The following VWA8 variants were observed in gnomAD, a reference collection of about 807,000 sequenced individuals.
The protein encoded by VWA8 is von Willebrand factor A domain-containing protein 8.
A neutral mutation model predicts 241.5 loss-of-function variants in VWA8; 221 were observed. The observed-to-expected ratio is 0.91, with a 90% confidence interval of 0.82 to 1.02. The LOEUF is 1.02. VWA8 is among the 50% of genes least tolerant of loss of function. VWA8 has a pLI of 0.00. For synonymous variants in VWA8, 852 were observed against 827.1 expected (o/e 1.03, Z -0.52); for missense variants, 2,322 against 2,328.7 (o/e 1.00, Z 0.06).
chr13:41,690,301 T>TA (rs764905054), intron 32 of VWA8, 26 bp from the exon 33 acceptor site: 27 of 1,583,212 alleles, frequency 1.7e-5, no homozygotes, highest in Non-Finnish European at 2.2e-5. Flanking sequence ...ACATCTAGCT[T>TA]AAGTGAAATT....
intron 17 of VWA8, among the ~76,000 whole-genome samples, chr13:41,800,938 T>C (rs897401391): frequency 5.9e-5 from 9 of 152,138 alleles, no homozygotes; most frequent in Admixed American, 5.2e-4. Context: ...ATAAAATATA[T>C]GACAGAAATG....
intron 20 of VWA8, among the ~76,000 whole-genome samples, chr13:41,768,269 T>A (rs2137915705): frequency 6.6e-6 from 1 of 152,354 alleles, no homozygotes; most frequent in Admixed American, 6.5e-5. Context: ...TATGCTGTCA[T>A]AGCAACATGG....
chr13:41,922,365 T>C (rs926908275), intron 2 of VWA8, among the ~76,000 whole-genome samples: 4 of 152,188 alleles, frequency 2.6e-5, no homozygotes, highest in Admixed American at 6.5e-5. Context: ...ATTCAGGACA[T>C]AGGCATGGGC....
rs189959919 is a variant in VWA8, at chr13:41,703,183, G to T, written c.3225+120C>A. The stretch of plus-strand genomic sequence containing the variant: ...AGGCCAGCCTGATTTGAAAGTTAGA[G>T]CAGAAGCTAAAATAACATCCGAACA... On this transcript the variant is annotated intron_variant, in intron 27 of 44. Transcript: ENST00000379310. 728 of 788,752 alleles carry T rather than the reference G, an allele frequency of 9.2e-4. 4 individuals carry two copies. In the East Asian group the frequency reaches 9.5e-3, roughly 10 times the overall value. 48.9% of individuals were successfully genotyped at this position (788,752 alleles called of 1,614,324 possible). A position where few individuals can be genotyped will look rare whatever the true frequency, so the allele number is the denominator to read the frequency against.
At chr13:41,940,307 C>G (rs1877537901) in intron 2 of VWA8, among the ~76,000 whole-genome samples, 2 of 151,806 alleles carry the variant, frequency 1.3e-5, no homozygotes, top group African/African-American at 4.8e-5. Context: ...ATCTAAAAAG[C>G]AATAATCTTT....
At chr13:41,694,628 GA>G (rs1199771476) in intron 29 of VWA8, among the ~76,000 whole-genome samples, 7 of 151,904 alleles carry the variant, frequency 4.6e-5, no homozygotes, top group African/African-American at 1.7e-4. Context: ...CTTTTTGATG[GA>G]AAAAATATTT....
intron 17 of VWA8, among the ~76,000 whole-genome samples, chr13:41,793,590 G>T (rs2137950915): frequency 6.6e-6 from 1 of 152,226 alleles, no homozygotes; most frequent in South Asian, 2.1e-4. Context: ...AAGGCGGGTG[G>T]ATCACGAGGT....
At position 41,604,645 on chromosome 13, in the gene VWA8, A is replaced by G. The variant is rs571791662; in HGVS notation, c.4986+523T>C. On this transcript the variant is annotated intron_variant, in intron 40 of 44. Transcript: ENST00000379310. ...AAAGAAACACAAGATTCCAGAGTAG[A>G]ATGGAGAAACAGGGCACAGCTTGGC... Among the ~76,000 whole-genome samples, 17 of 152,250 alleles carry G rather than the reference A, an allele frequency of 1.1e-4. No homozygotes were observed. In the South Asian group the frequency reaches 3.5e-3, roughly 32 times the overall value.
chr13:41,570,522 G>T lies in VWA8; in HGVS notation c.5555C>A (p.Pro1852His). 2 of 1,614,190 alleles carry T rather than the reference G, an allele frequency of 1.2e-6. No homozygotes were observed. The highest frequency in any genetic ancestry group is 1.1e-5 in the South Asian group (1 of 91,084). ...AAAAATGGCAAAAGCATTTACTTGA[G>T]GGTCTCTTGTGAGGATTTGAGCAAA... The part of the protein sequence containing the change: ...AKFAQILTRD[P>H]QVNAFAIFIG... Residue 1852 changes from proline (P) to histidine (H), a missense_variant, in exon 44 of 45, where the codon CCT (proline) becomes CAT (histidine). Pro to His is a moderately conservative substitution (Grantham distance 77, BLOSUM62 -2). Transcript: ENST00000379310.
intron 2 of VWA8, among the ~76,000 whole-genome samples, chr13:41,920,677 T>C (rs1186630683): frequency 1.3e-5 from 2 of 152,108 alleles, no homozygotes; most frequent in African/African-American, 2.4e-5. Context: ...ACAAATAAAC[T>C]AGAAAATCTA....
chr13:41,755,700 A>G (rs1360704170), intron 21 of VWA8, among the ~76,000 whole-genome samples: 1 of 151,868 alleles, frequency 6.6e-6, no homozygotes, highest in African/African-American at 2.4e-5. Context: ...AATCCTTTAA[A>G]CTTTTAAAAG....
chr13:41,829,216 G>C (rs1871308993), intron 14 of VWA8, among the ~76,000 whole-genome samples: 1 of 152,054 alleles, frequency 6.6e-6, no homozygotes, highest in Non-Finnish European at 1.5e-5. Flanking sequence ...TGCAAGAATG[G>C]CCATAATTAA....
intron 37 of VWA8, among the ~76,000 whole-genome samples, chr13:41,628,470 A>T (rs2044706977): frequency 6.6e-6 from 1 of 152,226 alleles, no homozygotes; most frequent in African/African-American, 2.4e-5. Flanking sequence ...TACACATTTA[A>T]AATGTGCATG....
At chr13:41,773,161 G>A (rs1251755568) in intron 20 of VWA8, among the ~76,000 whole-genome samples, 1 of 152,158 alleles carries the variant, frequency 6.6e-6, no homozygotes, top group Non-Finnish European at 1.5e-5. Context: ...ATTAAAATAG[G>A]CATTTTCACA....
intron 2 of VWA8, among the ~76,000 whole-genome samples, chr13:41,931,329 T>G (rs1281327906): frequency 7.8e-6 from 1 of 128,100 alleles, no homozygotes; most frequent in Admixed American, 8.3e-5. Flanking sequence ...CACTTATATG[T>G]GGAATCTGGT....
intron 8 of VWA8, 103 bp from the exon 9 acceptor site, chr13:41,883,594 C>A: frequency 1.3e-6 from 1 of 770,068 alleles, no homozygotes; most frequent in Non-Finnish European, 2.1e-6. Context: ...TAAAAGTAAC[C>A]AATAGGTGTC....
At chr13:41,636,661 T>C (rs1278010760) in intron 37 of VWA8, among the ~76,000 whole-genome samples, 2 of 152,108 alleles carry the variant, frequency 1.3e-5, no homozygotes, top group African/African-American at 4.8e-5. Flanking sequence ...ATTTTTGCAA[T>C]CTACTCATCT....
chr13:41,936,461 T>TA (rs539707364), intron 2 of VWA8, among the ~76,000 whole-genome samples: 123 of 152,326 alleles, frequency 8.1e-4, no homozygotes, highest in African/African-American at 2.8e-3. Context: ...ATATAGGCAT[T>TA]AAAAATGTGA....
intron 14 of VWA8, among the ~76,000 whole-genome samples, chr13:41,822,643 C>A (rs141568110): frequency 6.6e-6 from 1 of 152,226 alleles, no homozygotes; most frequent in Non-Finnish European, 1.5e-5. Flanking sequence ...CAGCCAAAAG[C>A]TAGTCAAACT....
Sources: allele counts gnomAD v4.1 joint callset (sites outside exome capture counted in the v4.1 genomes callset), GRCh38; gene constraint gnomAD v4.1.1; transcripts MANE v1.5; gene names NCBI Gene and HGNC (gene_info 2026-07-23, HGNC 2026-07-21).